The following DIAPH2 variants were observed in gnomAD, a reference collection of about 807,000 sequenced individuals.
The protein encoded by DIAPH2 is diaphanous related formin 2, also known as protein diaphanous homolog 2.
DIAPH2 carries 35 observed loss-of-function variants against 92.7 expected under a neutral mutation model. The ratio of observed to expected loss-of-function variants is 0.38; its 90% CI spans 0.29 to 0.50. DIAPH2 has a LOEUF of 0.50. Among genes scored for constraint, DIAPH2 ranks in the 20% least tolerant of loss-of-function variants. The pLI is 0.94. For missense variants in DIAPH2, 701 were observed against 819.5 expected (o/e 0.86, Z 1.77); for synonymous variants, 301 against 280.4 (o/e 1.07, Z -0.73).
rs763082250 is a variant in DIAPH2 at position 96,837,827 on chromosome X, G to C, written c.448-43752G>C. The stretch of plus-strand genomic sequence containing the variant: ...TTAGATTGTTCATGTGTGGCTTTTG[G>C]AACTTATTTCCCATCGTGTAAATAC... On this transcript the variant is annotated intron_variant, in intron 4 of 26. Coordinates refer to ENST00000324765, the MANE Select transcript of DIAPH2 (RefSeq NM_006729.5). 3.6e-5 allele frequency among the ~76,000 whole-genome samples: 4 copies of C among 111,609 alleles called. No homozygotes were observed. In the South Asian group the frequency reaches 1.5e-3, roughly 42 times the overall value.
chrX:96,746,574 G>A (rs1208941691), intron 3 of DIAPH2, among the ~76,000 whole-genome samples: 1 of 109,766 alleles, frequency 9.1e-6, no homozygotes, highest in Non-Finnish European at 1.9e-5. Context: ...GTTTTTTCGA[G>A]ATGGAGTCTT....
intron 25 of DIAPH2, among the ~76,000 whole-genome samples, chrX:97,413,247 C>G (rs1174304723): frequency 4.5e-5 from 5 of 110,700 alleles, no homozygotes; most frequent in African/African-American, 1.6e-4. Flanking sequence ...AAGGCTGGTT[C>G]AATATATGCA....
intron 21 of DIAPH2, among the ~76,000 whole-genome samples, chrX:97,129,102 T>TTTTCTTTTCTTTTCTTTTC (rs1322081943): frequency 3.7e-3 from 234 of 63,085 alleles, no homozygotes; most frequent in Middle Eastern, 0.014. Context: ...TTTTCTTTTC[T>TTTTCTTTTCTTTTCTTTTC]TTTCTTTTCT....
intron 22 of DIAPH2, among the ~76,000 whole-genome samples, chrX:97,197,332 A>G (rs184442914): frequency 7.1e-5 from 8 of 112,249 alleles, no homozygotes; most frequent in Admixed American, 5.7e-4. Context: ...ACATTCATGT[A>G]CATAAGTATA....
At chrX:97,489,664 A>G (rs946117225) in intron 26 of DIAPH2, among the ~76,000 whole-genome samples, 3 of 111,353 alleles carry the variant, frequency 2.7e-5, no homozygotes, top group Non-Finnish European at 3.8e-5. Context: ...AATTTTTTCA[A>G]ATGCTTTTTC....
chrX:97,462,267 A>G (rs2070465912), intron 26 of DIAPH2, among the ~76,000 whole-genome samples: 2 of 112,206 alleles, frequency 1.8e-5, no homozygotes, highest in Non-Finnish European at 1.9e-5. Flanking sequence ...AGAAGCAGAC[A>G]AAGTTGGTGG....
chrX:97,206,943 T>A (rs1177915455), intron 22 of DIAPH2, among the ~76,000 whole-genome samples: 3 of 111,224 alleles, frequency 2.7e-5, no homozygotes, highest in Non-Finnish European at 5.7e-5. Context: ...CTATTACCAA[T>A]TACCTTGACT....
intron 24 of DIAPH2, among the ~76,000 whole-genome samples, chrX:97,363,618 A>C (rs535968902): frequency 2.0e-5 from 2 of 100,807 alleles, no homozygotes; most frequent in African/African-American, 7.3e-5. Flanking sequence ...GTGAGCCGAT[A>C]TCACGCCACT....
intron 23 of DIAPH2, among the ~76,000 whole-genome samples, chrX:97,274,780 G>A (rs1298497581): frequency 9.1e-6 from 1 of 110,488 alleles, no homozygotes; most frequent in Non-Finnish European, 1.9e-5. Context: ...CTAGGCAAAG[G>A]ACCCTGTGGC....
intron 16 of DIAPH2, among the ~76,000 whole-genome samples, chrX:96,959,948 G>T (rs906743288): frequency 9.0e-6 from 1 of 110,702 alleles, no homozygotes; most frequent in Middle Eastern, 4.6e-3. Context: ...TTTACTTCTG[G>T]GTTCTCTATT....
chrX:97,131,689 A>G (rs1298470581), intron 21 of DIAPH2, among the ~76,000 whole-genome samples: 1 of 112,565 alleles, frequency 8.9e-6, no homozygotes, highest in Non-Finnish European at 1.9e-5. Flanking sequence ...AACACCAACA[A>G]ACATTCATAC....
chrX:97,077,689 A>AAACAAAT (rs1191085211), intron 19 of DIAPH2, among the ~76,000 whole-genome samples: 2 of 112,182 alleles, frequency 1.8e-5, no homozygotes, highest in African/African-American at 6.5e-5. Context: ...AAAAAACAAA[A>AAACAAAT]AACAAAAAAC....
chrX:97,385,073 G>C (rs1045175398), intron 25 of DIAPH2, among the ~76,000 whole-genome samples: 5 of 109,940 alleles, frequency 4.5e-5, no homozygotes, highest in African/African-American at 1.3e-4. Flanking sequence ...GTCACCTGAG[G>C]TTTAGAGAAT....
intron 4 of DIAPH2, among the ~76,000 whole-genome samples, chrX:96,772,539 T>G (rs931897042): frequency 2.7e-5 from 3 of 112,391 alleles, no homozygotes. Context: ...ATCTAGTTTA[T>G]ATGCTTGTAT....
chrX:97,243,288 A>C (rs1602444648), intron 22 of DIAPH2, among the ~76,000 whole-genome samples: 1 of 80,156 alleles, frequency 1.2e-5, no homozygotes, highest in Non-Finnish European at 2.4e-5. Context: ...ACCCTCTTGT[A>C]TTTGCTGTCT....
intron 26 of DIAPH2, among the ~76,000 whole-genome samples, chrX:97,588,232 C>A (rs1189283479): frequency 1.8e-5 from 2 of 112,104 alleles, no homozygotes; most frequent in East Asian, 5.5e-4. Context: ...GCAAAGTGGG[C>A]CTAATTGGTT....
At chrX:97,229,800 TATA>T (rs962214478) in intron 22 of DIAPH2, among the ~76,000 whole-genome samples, 4 of 93,046 alleles carry the variant, frequency 4.3e-5, no homozygotes, top group East Asian at 3.2e-4. Context: ...TATAATAAGA[TATA>T]ATATATTGTT....
At chrX:96,752,624 C>A (rs773504044) in intron 3 of DIAPH2, among the ~76,000 whole-genome samples, 1 of 111,166 alleles carries the variant, frequency 9.0e-6, no homozygotes, top group South Asian at 3.8e-4. Context: ...AGTATAATAG[C>A]CAGATGTGAA....
At chrX:96,806,678 T>TAAAA (rs2064629146) in intron 4 of DIAPH2, among the ~76,000 whole-genome samples, 1 of 90,330 alleles carries the variant, frequency 1.1e-5, no homozygotes, top group Non-Finnish European at 2.1e-5. Context: ...ACAAAGAAAT[T>TAAAA]ATATTTCATT....
Sources: gnomAD v4.1 joint callset for allele counts (sites outside exome capture counted in the v4.1 genomes callset) on GRCh38, gnomAD v4.1.1 for gene constraint, MANE v1.5 for transcripts, NCBI Gene and HGNC (gene_info 2026-07-23, HGNC 2026-07-21) for gene names.